The following CCDC73 variants were observed in gnomAD, a reference collection of about 807,000 sequenced individuals.
CCDC73 encodes coiled-coil domain containing 73, also known as coiled-coil domain-containing protein 73.
CCDC73 carries 95 observed loss-of-function variants against 116.5 expected under a neutral mutation model. That is an observed-to-expected ratio of 0.82 (90% CI 0.69 to 0.97). The LOEUF is 0.97. Ranked by LOEUF, CCDC73 falls within the 50% of genes least tolerant of loss-of-function variation. The pLI, the probability that CCDC73 is intolerant of heterozygous loss-of-function variation, is 0.00. For synonymous variants in CCDC73, 398 were observed against 401.3 expected (o/e 0.99, Z 0.10); for missense variants, 1,066 against 1,206.8 (o/e 0.88, Z 1.73).
chr11:32,621,814 A>C (rs1855525184), intron 14 of CCDC73, among the ~76,000 whole-genome samples: 1 of 152,254 alleles, frequency 6.6e-6, no homozygotes, highest in Non-Finnish European at 1.5e-5. Flanking sequence ...ACAAATTTAC[A>C]AGAAAAAAAC....
chr11:32,723,612 T>C (rs1385442327), intron 2 of CCDC73, among the ~76,000 whole-genome samples: 1 of 152,196 alleles, frequency 6.6e-6, no homozygotes, highest in Non-Finnish European at 1.5e-5. Flanking sequence ...GCCTGACCAA[T>C]ACATAGCCCA....
the CCDC73 span, among the ~76,000 whole-genome samples, chr11:32,818,232 T>G: frequency 4.6e-5 from 7 of 152,254 alleles, no homozygotes; most frequent in Non-Finnish European, 1.0e-4. Context: ...CTCTGCCCTT[T>G]CGGGCCGTAA....
chr11:32,718,218 GGA>G, intron 2 of CCDC73, 71 bp from the exon 3 acceptor site: 3 of 1,023,972 alleles, frequency 2.9e-6, no homozygotes, highest in Middle Eastern at 2.9e-4. Context: ...AGCTCTTTCT[GGA>G]GAGATATAGA....
chr11:32,749,711 T>G (rs1850269976), intron 2 of CCDC73, among the ~76,000 whole-genome samples: 1 of 152,012 alleles, frequency 6.6e-6, no homozygotes. Context: ...TGATCTAAGT[T>G]TTTTGTCACT....
At chr11:32,713,978 G>A (rs985340581) in intron 3 of CCDC73, among the ~76,000 whole-genome samples, 1 of 151,964 alleles carries the variant, frequency 6.6e-6, no homozygotes, top group Non-Finnish European at 1.5e-5. Context: ...CATCTTTTCA[G>A]GATGAACTAA....
At chr11:32,769,805 G>T (rs942549645) in intron 1 of CCDC73, among the ~76,000 whole-genome samples, 1 of 152,096 alleles carries the variant, frequency 6.6e-6, no homozygotes, top group African/African-American at 2.4e-5. Context: ...CTTCCTCCAA[G>T]AAGTCATTTT....
At chr11:32,623,941 G>C (rs1855545492) in intron 14 of CCDC73, among the ~76,000 whole-genome samples, 1 of 152,098 alleles carries the variant, frequency 6.6e-6, no homozygotes, top group Non-Finnish European at 1.5e-5. Flanking sequence ...AGCTGACAAA[G>C]TATTAAGAAG....
chr11:32,621,664 G>A (rs1855524133), intron 14 of CCDC73, among the ~76,000 whole-genome samples: 1 of 151,870 alleles, frequency 6.6e-6, no homozygotes, highest in Admixed American at 6.6e-5. Context: ...AAAGCCATGG[G>A]ATCTAATTAA....
intron 14 of CCDC73, among the ~76,000 whole-genome samples, chr11:32,618,128 C>A (rs1855491360): frequency 6.6e-6 from 1 of 152,066 alleles, no homozygotes; most frequent in Non-Finnish European, 1.5e-5. Flanking sequence ...GAAAATTGGT[C>A]TTTGGTTTTC....
the CCDC73 span, among the ~76,000 whole-genome samples, chr11:32,825,356 G>T: frequency 8.9e-5 from 12 of 134,190 alleles, no homozygotes; most frequent in African/African-American, 3.2e-4. Flanking sequence ...AGGCTGGAGT[G>T]CAATGGCACC....
At chr11:32,709,045 T>C (rs1260985418) in intron 3 of CCDC73, among the ~76,000 whole-genome samples, 2 of 152,212 alleles carry the variant, frequency 1.3e-5, no homozygotes, top group African/African-American at 4.8e-5. Flanking sequence ...GGGTTTGTCA[T>C]AGATGGCTTT....
At chr11:32,623,534 G>A (rs1020487242) in intron 14 of CCDC73, among the ~76,000 whole-genome samples, 8 of 151,970 alleles carry the variant, frequency 5.3e-5, no homozygotes, top group African/African-American at 1.9e-4. Flanking sequence ...AAAAAATTTT[G>A]TAGAGACAAG....
intron 6 of CCDC73, among the ~76,000 whole-genome samples, chr11:32,688,653 A>G (rs1158077540): frequency 1.3e-5 from 2 of 152,228 alleles, no homozygotes; most frequent in African/African-American, 4.8e-5. Context: ...ATGATAGAGC[A>G]TCAGTTTGGC....
Position 32,653,187 on chromosome 11 carries a change from C to T in CCDC73, c.875G>A (p.Arg292Gln), listed in dbSNP as rs894958378. The T allele has an allele frequency of 6.2e-6, 10 of 1,611,298 alleles. No homozygotes were observed. Among genetic ancestry groups the T allele is most frequent in the Admixed American group, 1.7e-5 (1 of 59,658 alleles). ...ISFQHMQQLLRQQIQANTEME... is the reference protein window; with the variant it reads ...ISFQHMQQLLQQQIQANTEME... ...TTCAGTATTAGCTTGAATTTGTTGC[C>T]GAAGTAACTGCTGCATATGTTGGAA... Residue 292 changes from arginine to glutamine, a missense_variant, in exon 12 of 18, where the codon CGG becomes CAG. Physicochemically the swap from Arg to Gln is conservative, Grantham distance 43. Transcript: ENST00000335185.
At chr11:32,662,672 G>A (rs549294674) in intron 9 of CCDC73, among the ~76,000 whole-genome samples, 12 of 152,176 alleles carry the variant, frequency 7.9e-5, no homozygotes, top group South Asian at 2.1e-4. Context: ...CTTTTGGTGC[G>A]CAGAAGCTCT....
At chr11:32,815,815 A>G in the CCDC73 span, among the ~76,000 whole-genome samples, 1 of 152,176 alleles carries the variant, frequency 6.6e-6, no homozygotes, top group East Asian at 1.9e-4. Flanking sequence ...CTGAAACCAC[A>G]TAGACTTACC....
intron 1 of CCDC73, among the ~76,000 whole-genome samples, chr11:32,768,194 C>T (rs1850460278): frequency 6.6e-6 from 1 of 152,034 alleles, no homozygotes; most frequent in Non-Finnish European, 1.5e-5. Context: ...AAGCTGGAAA[C>T]CATCATTCTC....
intron 9 of CCDC73, among the ~76,000 whole-genome samples, chr11:32,667,440 G>A (rs576833034): frequency 2.6e-4 from 39 of 152,320 alleles, no homozygotes; most frequent in African/African-American, 8.7e-4. Flanking sequence ...GCAATGCTCC[G>A]TGGGTGTGGC....
intron 1 of CCDC73, among the ~76,000 whole-genome samples, chr11:32,779,315 T>C (rs1166127194): frequency 2.0e-5 from 3 of 149,936 alleles, no homozygotes; most frequent in Non-Finnish European, 4.4e-5. Flanking sequence ...TTTCTGCTAA[T>C]TCAGTGAGTA....
Sources: gnomAD v4.1 joint callset for allele counts (sites outside exome capture counted in the v4.1 genomes callset) on GRCh38, gnomAD v4.1.1 for gene constraint, MANE v1.5 for transcripts, NCBI Gene and HGNC (gene_info 2026-07-23, HGNC 2026-07-21) for gene names.